The following ZNFX1 variants were observed in gnomAD, a reference collection of about 807,000 sequenced individuals.
The protein encoded by ZNFX1 is zinc finger NFX1-type containing 1.
ZNFX1 carries 78 observed loss-of-function variants against 179.8 expected under a neutral mutation model. That is an observed-to-expected ratio of 0.43 (90% confidence interval 0.36 to 0.52). ZNFX1 has a LOEUF of 0.52. ZNFX1 is among the 20% of genes least tolerant of loss of function. The pLI is 0.00. For missense variants in ZNFX1, 1,927 were observed against 2,386.6 expected (o/e 0.81, Z 4.01); for synonymous variants, 848 against 868.5 (o/e 0.98, Z 0.42).
intron 3 of ZNFX1, among the ~76,000 whole-genome samples, chr20:49,268,530 TTAAAC>T (rs1357403653): frequency 6.6e-6 from 1 of 152,102 alleles, no homozygotes. Context: ...TGGTACCTAA[TTAAAC>T]TAAAGAGCTT....
At chr20:49,251,146 T>TC (rs1334210689) in intron 13 of ZNFX1, among the ~76,000 whole-genome samples, 1 of 149,900 alleles carries the variant, frequency 6.7e-6, no homozygotes, top group Non-Finnish European at 1.5e-5. Flanking sequence ...AAGGCTTTCT[T>TC]TTTTTTTTTG....
In ZNFX1 at chr20:49,270,053, G is replaced by C; in HGVS notation, c.1759C>G (p.Pro587Ala). 1.2e-6 allele frequency: 2 copies of C among 1,614,222 alleles called. No homozygotes were observed. Among genetic ancestry groups the C allele is most frequent in the South Asian group, 2.2e-5 (2 of 91,088 alleles). ...LRHPRINVLD[P>A]GQWPSKEALK... ...GCTTCTTTTGAGGGCCACTGGCCAG[G>C]ATCTAAGACATTAATTCTGGGATGT... Residue 587 changes from proline (P) to alanine (A), a missense_variant, in exon 3 of 14, where the codon CCT becomes GCT. By Grantham distance (27) the Pro-to-Ala change is conservative. Transcript: ENST00000396105. The surrounding 1 kb of genome is among the most constrained non-coding windows in gnomAD (Gnocchi z 4.6).
chr20:49,259,330 G>A (rs927849749), intron 7 of ZNFX1, among the ~76,000 whole-genome samples: 1 of 151,752 alleles, frequency 6.6e-6, no homozygotes, highest in Non-Finnish European at 1.5e-5. Context: ...TTCCTAACCC[G>A]AATTTTATAT....
chr20:49,249,562 G>A lies in ZNFX1; in HGVS notation c.3462C>T (p.Ile1154=). The change falls in exon 14 of 14, where the codon ATC becomes ATT. Residue 1154 remains isoleucine (I), a synonymous_variant. Transcript: ENST00000396105. The part of the protein sequence containing the change: ...FLCQEYLPSQ[I]TILTTYTGQL... The stretch of plus-strand genomic sequence containing the variant: ...GCCCGGTATAGGTAGTGAGGATGGT[G>A]ATCTGGGAAGGCAGGTATTCCTGGC... 6.2e-7 allele frequency: 1 copy of A among 1,614,244 alleles called. No homozygotes were observed.
Position 49,257,635 on chromosome 20 carries a change from C to T in ZNFX1, c.2446G>A (p.Gly816Arg), listed in dbSNP as rs1037665141. 3.7e-6 allele frequency: 6 copies of T among 1,613,856 alleles called. No individual in the cohort carries two copies. The African/African-American group carries it at 6.7e-5, about 18-fold the overall frequency. ...AQAEGDEEEE[G>R]EEESSLIEIA... The stretch of plus-strand genomic sequence containing the variant: ...TCTATCAGCGAACTCTCCTCCTCCC[C>T]TTCTTCCTCCTCATCCCCTTCTGCC... The change falls in exon 8 of 14, where the codon GGG (glycine) becomes AGG (arginine). Residue 816 changes from glycine (G) to arginine (R), a missense_variant. Transcript: ENST00000396105.
Position 49,269,938 on chromosome 20 carries a change from T to C in ZNFX1, c.1870+4A>G. Reference sequence around the variant, plus strand: ...CTTATGTACTCTAAAAAATTTTGTCTTACCTGTTCCAGGAGGTCCTTGAAT... The same window carrying C: ...CTTATGTACTCTAAAAAATTTTGTCCTACCTGTTCCAGGAGGTCCTTGAAT... On this transcript the variant is annotated splice_donor_region_variant and intron_variant, in intron 3 of 13. Coordinates refer to ENST00000396105, the MANE Select transcript of ZNFX1 (RefSeq NM_021035.3). 1 of 1,584,392 alleles carries C rather than the reference T, an allele frequency of 6.3e-7. No homozygotes were observed. The highest frequency in any genetic ancestry group is 8.6e-7 in the Non-Finnish European group (1 of 1,168,002).
intron 6 of ZNFX1, among the ~76,000 whole-genome samples, chr20:49,262,092 G>C (rs1271856184): frequency 1.3e-5 from 2 of 151,196 alleles, no homozygotes; most frequent in East Asian, 1.9e-4. Flanking sequence ...TGGGCAACTG[G>C]AACATTTAAC....
At position 49,249,243 on chromosome 20, in the gene ZNFX1, G is replaced by A. The variant is rs746126828; in HGVS notation, c.3781C>T (p.Arg1261Trp). The A allele has an allele frequency of 5.6e-6, 9 of 1,614,086 alleles. No homozygotes were observed. The East Asian group carries it at 6.7e-5, about 12-fold the overall frequency. Residue 1261 changes from arginine to tryptophan, a missense_variant, in exon 14 of 14, where the codon CGG becomes TGG. Physicochemically the swap from Arg to Trp is moderately radical, Grantham distance 101. Coordinates refer to ENST00000396105, the MANE Select transcript of ZNFX1 (RefSeq NM_021035.3). ...RENNQIGPMLRLCCQNHPETH... is the reference protein window; with the variant it reads ...RENNQIGPMLWLCCQNHPETH... ...TCAGGGTGGTTCTGGCAGCAGAGCC[G>A]GAGCATGGGGCCTATTTGATTGTTC... is the stretch of plus-strand genomic sequence containing the variant.
At position 49,248,000 on chromosome 20, in the gene ZNFX1, T is replaced by C; in HGVS notation, c.5024A>G (p.His1675Arg). ...CAGGAAGTCTTCAGGAAGCAGCTGG[T>C]GGAGGAGGCTCTTCCTCTCCAGCAG... is the stretch of plus-strand genomic sequence containing the variant. The part of the protein sequence containing the change: ...KALLERKSLL[H>R]QLLPEDFLML... Residue 1675 changes from histidine to arginine, a missense_variant, in exon 14 of 14, where the codon CAC becomes CGC. Transcript: ENST00000396105. 6.2e-7 allele frequency: 1 copy of C among 1,614,088 alleles called. No homozygotes were observed. The highest frequency in any genetic ancestry group is 1.1e-5 in the South Asian group (1 of 91,076).
At position 49,263,468 on chromosome 20, in the gene ZNFX1, T is replaced by C; in HGVS notation, c.2167A>G (p.Lys723Glu). The change falls in exon 6 of 14, where the codon AAG becomes GAG. Residue 723 changes from lysine to glutamate, a missense_variant. By Grantham distance (56) the Lys-to-Glu change is moderately conservative. Transcript: ENST00000396105. ...RAYMSIMTQMKESEQELHEGA... is the reference protein window; with the variant it reads ...RAYMSIMTQMEESEQELHEGA... ...TCATGAAGCTCTTGCTCTGACTCCTTCATCTGTGTCATGATCTTCCAAGAA... is the reference window on the plus strand; with the variant it reads ...TCATGAAGCTCTTGCTCTGACTCCTCCATCTGTGTCATGATCTTCCAAGAA... The C allele has an allele frequency of 6.3e-7, 1 of 1,585,400 alleles. No individual in the cohort carries two copies. Among genetic ancestry groups the C allele is most frequent in the Non-Finnish European group, 8.6e-7 (1 of 1,164,506 alleles).
Position 49,264,700 on chromosome 20 carries a change from C to G in ZNFX1, c.2151+16G>C, listed in dbSNP as rs201628225. 1 of 1,612,840 alleles carries G rather than the reference C, an allele frequency of 6.2e-7. No individual in the cohort carries two copies. Among genetic ancestry groups the G allele is most frequent in the Non-Finnish European group, 8.5e-7 (1 of 1,179,610 alleles). On this transcript the variant is annotated intron_variant, in intron 5 of 13. Transcript: ENST00000396105. ...CCCTCTTGAACTACCCCAGATATTT[C>G]AGAGCTGGGACTTACACTCATGTAG... is the stretch of plus-strand genomic sequence containing the variant.
chr20:49,246,009 CTAAA>C lies in ZNFX1; in HGVS notation c.*1254_*1257del, dbSNP rs1458431275. The C allele has an allele frequency of 6.6e-6, 1 of 152,618 alleles. No homozygotes were observed. The allele number at this position is 152,618 out of a possible 1,614,324, so 9.5% of individuals were successfully genotyped here. Reference sequence around the variant, plus strand: ...GACACTTAGAAAGGACCTGAGATACCTAAATGTCTGTTCTAAGGAACACTGGAAG... The same window carrying C: ...GACACTTAGAAAGGACCTGAGATACCTGTCTGTTCTAAGGAACACTGGAAG... On this transcript the variant is annotated 3_prime_UTR_variant, in exon 14 of 14. Transcript: ENST00000396105.
At chr20:49,268,731 A>G (rs943859871) in intron 3 of ZNFX1, among the ~76,000 whole-genome samples, 8 of 152,164 alleles carry the variant, frequency 5.3e-5, no homozygotes, top group Admixed American at 3.3e-4. Flanking sequence ...CAAGCAGAGG[A>G]AAAAAATGCT....
Position 49,270,637 on chromosome 20 carries a change from A to G in ZNFX1, c.1175T>C (p.Leu392Pro). Residue 392 changes from leucine (L) to proline (P), a missense_variant, in exon 3 of 14, where the codon CTC (leucine) becomes CCC (proline). Leu to Pro is a moderately conservative substitution (Grantham distance 98). Transcript: ENST00000396105. This position sits in a 1 kb window ranked among gnomAD's most constrained non-coding sequence, Gnocchi z 4.6. The part of the protein sequence containing the change: ...RPLREGILEL[L>P]QSFEDQGLRK... ...CAGGCCCTGGTCTTCAAAGCTTTGGAGAAGTTCCAAAATACCTTCCCGTAA... is the reference window on the plus strand; with the variant it reads ...CAGGCCCTGGTCTTCAAAGCTTTGGGGAAGTTCCAAAATACCTTCCCGTAA... 6.2e-7 allele frequency: 1 copy of G among 1,614,204 alleles called. No individual in the cohort carries two copies. The highest frequency in any genetic ancestry group is 8.5e-7 in the Non-Finnish European group (1 of 1,180,042).
intron 2 of ZNFX1, among the ~76,000 whole-genome samples, chr20:49,275,185 A>C (rs1420989005): frequency 1.3e-5 from 2 of 152,246 alleles, no homozygotes; most frequent in South Asian, 2.1e-4. Flanking sequence ...TTTCTATTGG[A>C]TGCTGCTCTA....
chr20:49,261,023 G>A (rs1600991351), intron 6 of ZNFX1, among the ~76,000 whole-genome samples: 2 of 152,252 alleles, frequency 1.3e-5, no homozygotes, highest in East Asian at 3.8e-4. Context: ...AGAGGTTGCA[G>A]TGAGTGGAGA....
chr20:49,273,841 G>C (rs1375538529), intron 2 of ZNFX1, among the ~76,000 whole-genome samples: 1 of 152,132 alleles, frequency 6.6e-6, no homozygotes, highest in Non-Finnish European at 1.5e-5. Context: ...GAGGTGGGAT[G>C]ATTGCTTGAG....
chr20:49,247,449 C>T lies in ZNFX1; in HGVS notation c.5575G>A (p.Asp1859Asn), dbSNP rs764553505. 19 of 1,614,046 alleles carry T rather than the reference C, an allele frequency of 1.2e-5. No homozygotes were observed. Among genetic ancestry groups the T allele is most frequent in the African/African-American group, 2.7e-5 (2 of 74,904 alleles). The change falls in exon 14 of 14, where the codon GAT (aspartate) becomes AAT (asparagine). Residue 1859 changes from aspartate to asparagine, a missense_variant. Coordinates refer to ENST00000396105, the MANE Select transcript of ZNFX1 (RefSeq NM_021035.3). ...CCCCTCTCCATGGCTCCCCCACAAT[C>T]GCCAATCACATAGATATGGCCATTG... is the stretch of plus-strand genomic sequence containing the variant. ...CRNGHIYVIG[D>N]CGGAMERGTC...
intron 11 of ZNFX1, among the ~76,000 whole-genome samples, chr20:49,253,129 A>G (rs974725388): frequency 3.3e-5 from 5 of 152,196 alleles, no homozygotes; most frequent in Non-Finnish European, 7.3e-5. Context: ...GAAAAGCAAG[A>G]TCCATAATGG....
Sources: gnomAD v4.1 joint callset for allele counts (sites outside exome capture counted in the v4.1 genomes callset) on GRCh38, gnomAD v4.1.1 for gene constraint, Gnocchi (gnomAD v3.1) non-coding constraint, MANE v1.5 for transcripts, NCBI Gene and HGNC (gene_info 2026-07-23, HGNC 2026-07-21) for gene names.